Variants in DNAH12 observed in about 807,000 individuals in gnomAD.
DNAH12 encodes the protein axonemal beta dynein heavy chain 12.
DNAH12 carries 285 observed loss-of-function variants against 371.5 expected under a neutral mutation model. The ratio of observed to expected loss-of-function variants is 0.77; its 90% CI spans 0.70 to 0.85. DNAH12 has a LOEUF of 0.85. Among genes scored for constraint, DNAH12 ranks in the 40% least tolerant of loss-of-function variants. The pLI is 0.00. For synonymous variants in DNAH12, 1,200 were observed against 1,213.0 expected, an observed-to-expected ratio of 0.99 and a Z score of 0.22; for missense variants, 3,611 against 3,689.4, an observed-to-expected ratio of 0.98 and a Z score of 0.55.
In DNAH12 at chr3:57,421,655, C is replaced by T; in HGVS notation, c.5425G>A (p.Asp1809Asn). 1 of 1,551,636 alleles carries T rather than the reference C, an allele frequency of 6.4e-7. No individual in the cohort carries two copies. Among genetic ancestry groups the T allele is most frequent in the Non-Finnish European group, 8.7e-7 (1 of 1,146,984 alleles). ...AAAGTATCAAAAACACGACGGCCAT[C>T]TGTATCACAACTTCCTCCAATCGAC... ...IWSIGGSCDT[D>N]GRRVFDTFIR... The change falls in exon 36 of 74, where the codon GAT becomes AAT. Residue 1809 changes from aspartate to asparagine, a missense_variant. This residue lies in a region of DNAH12 where 2,266 missense variants were observed against 2,236.9 expected (regional missense o/e 1.01). Coordinates refer to ENST00000495027, the MANE Select transcript of DNAH12 (RefSeq NM_001366028.2).
In DNAH12 at chr3:57,444,796, A is replaced by G. The variant is rs751168536; in HGVS notation, c.4446T>C (p.Asp1482=). ...EDILLLRSIK[D]VNEPKFLSHD... Reference sequence around the variant, plus strand: ...GTGATAAAAACTTTGGTTCATTTACATCTTTAATTGATCGAAGAAGCTAAA... The same window carrying G: ...GTGATAAAAACTTTGGTTCATTTACGTCTTTAATTGATCGAAGAAGCTAAA... Residue 1482 remains aspartate, a synonymous_variant, in exon 29 of 74, where the codon GAT becomes GAC. Coordinates refer to ENST00000495027, the MANE Select transcript of DNAH12 (RefSeq NM_001366028.2). The G allele has an allele frequency of 3.2e-6, 5 of 1,544,420 alleles. No individual in the cohort carries two copies. The highest frequency in any genetic ancestry group is 2.5e-5 in the East Asian group (1 of 40,704).
chr3:57,365,584 A>C (rs2063033183), intron 57 of DNAH12, among the ~76,000 whole-genome samples: 1 of 152,200 alleles, frequency 6.6e-6, no homozygotes, highest in African/African-American at 2.4e-5. Flanking sequence ...ACAAACCTGC[A>C]CATCATGCAC....
At chr3:57,299,062 T>C (rs1559532163) in intron 70 of DNAH12, among the ~76,000 whole-genome samples, 2 of 152,150 alleles carry the variant, frequency 1.3e-5, no homozygotes, top group South Asian at 2.1e-4. Flanking sequence ...CTGCTGGAGA[T>C]GCTGCAACAG....
rs2065476288 is a variant in DNAH12 at position 57,445,893 on chromosome 3, C to T, written c.4179+138G>A. 5 of 736,822 alleles carry T rather than the reference C, an allele frequency of 6.8e-6. No individual in the cohort carries two copies. In the Admixed American group the frequency reaches 1.7e-4, roughly 25 times the overall value. The allele number at this position is 736,822 out of a possible 1,614,324, so 45.6% of individuals were successfully genotyped here. On this transcript the variant is annotated intron_variant, in intron 27 of 73. Coordinates refer to ENST00000495027, the MANE Select transcript of DNAH12 (RefSeq NM_001366028.2). ...GTCCCAGCTACTCGGGAGACTGAGG[C>T]AAGAGAATCGCTTGAACCCGGGAGG...
intron 62 of DNAH12, among the ~76,000 whole-genome samples, chr3:57,329,908 G>T (rs1487756300): frequency 3.9e-5 from 6 of 152,090 alleles, no homozygotes; most frequent in African/African-American, 4.8e-5. Context: ...CAAAGGACAT[G>T]AACAGACACT....
intron 13 of DNAH12, among the ~76,000 whole-genome samples, chr3:57,478,111 T>C (rs2066600306): frequency 1.3e-5 from 2 of 151,974 alleles, no homozygotes; most frequent in African/African-American, 2.4e-5. Flanking sequence ...AGGCTTCAGA[T>C]GATCAAACTA....
rs1420510920 is a variant in DNAH12 at position 57,418,528 on chromosome 3, A to AG, written c.5714+838dup. ...GTAGTCCAGCCTGGGTGACAGAGTGAGACCCTGTCTCAAAAAAAAAAACAA... is the reference window on the plus strand; with the variant it reads ...GTAGTCCAGCCTGGGTGACAGAGTGAGGACCCTGTCTCAAAAAAAAAAACAA... On this transcript the variant is annotated intron_variant, in intron 37 of 73. Coordinates refer to ENST00000495027, the MANE Select transcript of DNAH12 (RefSeq NM_001366028.2). Among the ~76,000 whole-genome samples, 14 of 149,674 alleles carry AG rather than the reference A, an allele frequency of 9.4e-5. No homozygotes were observed. The East Asian group carries it at 2.7e-3, about 29-fold the overall frequency.
chr3:57,430,367 A>C (rs2064919490), intron 32 of DNAH12, among the ~76,000 whole-genome samples: 1 of 152,166 alleles, frequency 6.6e-6, no homozygotes, highest in African/African-American at 2.4e-5. Context: ...AACAAAATGA[A>C]TAATTCTTTA....
At chr3:57,522,079 G>T (rs966803081) in intron 4 of DNAH12, among the ~76,000 whole-genome samples, 1 of 151,428 alleles carries the variant, frequency 6.6e-6, no homozygotes, top group African/African-American at 2.4e-5. Flanking sequence ...CAAAATTTAG[G>T]TGGGTGTGGT....
intron 52 of DNAH12, among the ~76,000 whole-genome samples, chr3:57,377,872 C>T (rs1559599630): frequency 6.6e-6 from 1 of 152,192 alleles, no homozygotes; most frequent in East Asian, 1.9e-4. Context: ...CCTCCAAGCC[C>T]TTGGTACAAA....
At chr3:57,360,692 A>G (rs983729321) in intron 58 of DNAH12, among the ~76,000 whole-genome samples, 3 of 144,980 alleles carry the variant, frequency 2.1e-5, no homozygotes, top group Non-Finnish European at 3.2e-5. Context: ...TGTAACAACA[A>G]CAACAACAAC....
intron 62 of DNAH12, among the ~76,000 whole-genome samples, chr3:57,332,744 C>A (rs1054838555): frequency 6.6e-6 from 1 of 152,096 alleles, no homozygotes; most frequent in Non-Finnish European, 1.5e-5. Flanking sequence ...ATGCATGAGA[C>A]CAAGAAAAGA....
chr3:57,304,528 T>C lies in DNAH12; in HGVS notation c.11190-2589A>G, dbSNP rs533915144. On this transcript the variant is annotated intron_variant, in intron 69 of 73. Coordinates refer to ENST00000495027, the MANE Select transcript of DNAH12 (RefSeq NM_001366028.2). Reference sequence around the variant, plus strand: ...TCTCTTCTCTCAATTTCAGTTCCTTTCCTTTTCTGGTAGAGACAAAGGAGA... The same window carrying C: ...TCTCTTCTCTCAATTTCAGTTCCTTCCCTTTTCTGGTAGAGACAAAGGAGA... 1.5e-3 allele frequency among the ~76,000 whole-genome samples: 223 copies of C among 152,272 alleles called. 1 individual carries two copies. The highest frequency in any genetic ancestry group is 4.4e-3 in the South Asian group (21 of 4,822).
At chr3:57,477,453 C>A (rs2153382300) in intron 13 of DNAH12, among the ~76,000 whole-genome samples, 1 of 152,288 alleles carries the variant, frequency 6.6e-6, no homozygotes, top group South Asian at 2.1e-4. Flanking sequence ...GAGTGCACGG[C>A]AGCTCAAGGA....
At chr3:57,394,975 G>T (rs1190212907) in intron 43 of DNAH12, among the ~76,000 whole-genome samples, 1 of 152,014 alleles carries the variant, frequency 6.6e-6, no homozygotes, top group Non-Finnish European at 1.5e-5. Context: ...TCAGGAACTT[G>T]TCAGTAGTTT....
chr3:57,440,023 A>G (rs1483948970), intron 29 of DNAH12, among the ~76,000 whole-genome samples: 2 of 152,330 alleles, frequency 1.3e-5, no homozygotes, highest in East Asian at 3.9e-4. Flanking sequence ...AAAGTTAAGA[A>G]CAACAGATGC....
chr3:57,415,599 GA>G lies in DNAH12; in HGVS notation c.5715-36del, dbSNP rs560836036. On this transcript the variant is annotated intron_variant, in intron 37 of 73. Transcript: ENST00000495027. The stretch of plus-strand genomic sequence containing the variant: ...AACAATGAATATATTATTCAAAATG[GA>G]AAAAAAGTCAGAATACATTTCTACT... 200 of 1,495,560 alleles carry G rather than the reference GA, an allele frequency of 1.3e-4. No homozygotes were observed. In the East Asian group the frequency reaches 4.0e-3, roughly 30 times the overall value. 92.6% of individuals were successfully genotyped at this position (1,495,560 alleles called of 1,614,324 possible).
At chr3:57,547,313 T>A (rs886480551), upstream of DNAH12, among the ~76,000 whole-genome samples, 1 of 151,794 alleles carries the variant, frequency 6.6e-6, no homozygotes, top group Non-Finnish European at 1.5e-5. Context: ...GTCCTTTTTT[T>A]TTTTACTTTA....
At chr3:57,436,328 G>GC (rs919776876) in intron 30 of DNAH12, among the ~76,000 whole-genome samples, 21 of 152,044 alleles carry the variant, frequency 1.4e-4, no homozygotes, top group African/African-American at 4.1e-4. Context: ...CTTAGATGAG[G>GC]CCCTTCAAGT....
Sources: gnomAD v4.1 joint callset for allele counts (sites outside exome capture counted in the v4.1 genomes callset) on GRCh38, gnomAD v4.1.1 for gene constraint, gnomAD v4.1.1 regional missense constraint, MANE v1.5 for transcripts, NCBI Gene and HGNC (gene_info 2026-07-23, HGNC 2026-07-21) for gene names.